Variants in SAMD5 observed in about 807,000 individuals in gnomAD.
SAMD5 encodes the protein sterile alpha motif domain-containing protein 5.
In SAMD5, 13 loss-of-function variants were observed where a neutral mutation model predicts 11.3. The observed-to-expected ratio is 1.15, with a 90% CI of 0.75 to 1.83. SAMD5 has a LOEUF of 1.83. SAMD5 is among the 40% of genes most tolerant of loss of function. SAMD5 has a pLI of 0.00. For missense variants in SAMD5, 255 were observed against 239.1 expected (o/e 1.07, Z -0.44); for synonymous variants, 129 against 111.3 (o/e 1.16, Z -1.00).
chr6:147,897,893 A>G, the SAMD5 span, among the ~76,000 whole-genome samples: 1 of 142,092 alleles, frequency 7.0e-6, no homozygotes, highest in African/African-American at 2.6e-5. Context: ...TGCAGTGAGT[A>G]GAGATCGGGC....
At chr6:147,677,091 A>G (rs1350389013) in intron 1 of SAMD5, among the ~76,000 whole-genome samples, 3 of 152,188 alleles carry the variant, frequency 2.0e-5, no homozygotes, top group Non-Finnish European at 4.4e-5. Context: ...GCTACCGACA[A>G]TGTCAGCCTG....
the SAMD5 span, among the ~76,000 whole-genome samples, chr6:147,880,307 T>C: frequency 1.3e-5 from 2 of 152,118 alleles, no homozygotes; most frequent in African/African-American, 4.8e-5. Context: ...TCATTGTCTC[T>C]CTGTTGCTCT....
chr6:147,844,639 A>AATGGAAT, the SAMD5 span, among the ~76,000 whole-genome samples: 1 of 151,014 alleles, frequency 6.6e-6, no homozygotes, highest in Non-Finnish European at 1.5e-5. Flanking sequence ...ATGTAAACAC[A>AATGGAAT]ATGGAATACT....
intron 1 of SAMD5, among the ~76,000 whole-genome samples, chr6:147,602,718 T>G (rs1416014750): frequency 6.6e-6 from 1 of 152,040 alleles, no homozygotes; most frequent in East Asian, 1.9e-4. Flanking sequence ...CACTGTAGCC[T>G]GGGAGACAGT....
intron 1 of SAMD5, among the ~76,000 whole-genome samples, chr6:147,667,139 C>T (rs1309537947): frequency 1.3e-5 from 2 of 152,242 alleles, no homozygotes; most frequent in South Asian, 2.1e-4. Context: ...CTTACATATC[C>T]GGGTCCTCAC....
intron 1 of SAMD5, among the ~76,000 whole-genome samples, chr6:147,732,701 GT>G (rs1390438270): frequency 1.3e-5 from 2 of 152,124 alleles, no homozygotes; most frequent in Admixed American, 1.3e-4. Context: ...AAGGGTATTT[GT>G]TTTTGGAATC....
chr6:147,791,528 T>C, the SAMD5 span, among the ~76,000 whole-genome samples: 2 of 152,168 alleles, frequency 1.3e-5, no homozygotes, highest in Non-Finnish European at 2.9e-5. Context: ...TGTCTACTCA[T>C]AACTGTTAGA....
intron 1 of SAMD5, among the ~76,000 whole-genome samples, chr6:147,735,688 A>G (rs1791789939): frequency 6.6e-6 from 1 of 151,660 alleles, no homozygotes; most frequent in South Asian, 2.1e-4. Flanking sequence ...ATTCTTTTCC[A>G]TTCAAGGAGG....
At chr6:147,947,752 G>T in the SAMD5 span, among the ~76,000 whole-genome samples, 1 of 152,140 alleles carries the variant, frequency 6.6e-6, no homozygotes, top group Non-Finnish European at 1.5e-5. Context: ...GGCTGATTAA[G>T]TGTTGATGAA....
intron 1 of SAMD5, among the ~76,000 whole-genome samples, chr6:147,647,129 T>C (rs1171849618): frequency 6.6e-6 from 1 of 151,792 alleles, no homozygotes; most frequent in Non-Finnish European, 1.5e-5. Context: ...ATCATGCCAT[T>C]GCACCCCAGC....
chr6:147,865,962 A>C, the SAMD5 span, among the ~76,000 whole-genome samples: 5 of 152,184 alleles, frequency 3.3e-5, no homozygotes, highest in Non-Finnish European at 7.4e-5. Flanking sequence ...AGCTTTTCCA[A>C]CTGGCTTCTA....
the SAMD5 span, among the ~76,000 whole-genome samples, chr6:147,917,677 T>C: frequency 6.6e-6 from 1 of 152,210 alleles, no homozygotes; most frequent in Non-Finnish European, 1.5e-5. Flanking sequence ...CTTCTAGGGT[T>C]TTTATGGTTT....
chr6:147,605,667 C>T (rs1330922203), intron 1 of SAMD5, among the ~76,000 whole-genome samples: 1 of 151,854 alleles, frequency 6.6e-6, no homozygotes, highest in African/African-American at 2.4e-5. Flanking sequence ...AGAGACTTAC[C>T]CCCTTTATGC....
chr6:147,946,452 G>A, the SAMD5 span, among the ~76,000 whole-genome samples: 1 of 152,164 alleles, frequency 6.6e-6, no homozygotes, highest in African/African-American at 2.4e-5. Context: ...GAGCAGTAGA[G>A]GTGACTTTTG....
intron 1 of SAMD5, among the ~76,000 whole-genome samples, chr6:147,554,151 G>A (rs1788815127): frequency 6.6e-6 from 1 of 152,078 alleles, no homozygotes; most frequent in South Asian, 2.1e-4. Context: ...GAGCAAAAGG[G>A]GGAAAAGCCC....
chr6:147,800,499 G>A, the SAMD5 span, among the ~76,000 whole-genome samples: 5 of 152,206 alleles, frequency 3.3e-5, no homozygotes, highest in African/African-American at 1.2e-4. Flanking sequence ...ATTTAAGTCT[G>A]CAGAGGTTAC....
At chr6:147,575,563 A>T (rs1583091381) in intron 1 of SAMD5, among the ~76,000 whole-genome samples, 1 of 152,372 alleles carries the variant, frequency 6.6e-6, no homozygotes, top group East Asian at 1.9e-4. Context: ...ATACGTGTTA[A>T]ATTTGAAAAT....
intron 1 of SAMD5, among the ~76,000 whole-genome samples, chr6:147,725,310 G>A (rs1791609446): frequency 6.6e-6 from 1 of 151,796 alleles, no homozygotes; most frequent in African/African-American, 2.4e-5. Context: ...GACCAAGCAG[G>A]CAGCGGAGGA....
chr6:147,553,211 C>A (rs1788801234), intron 1 of SAMD5, among the ~76,000 whole-genome samples: 1 of 152,180 alleles, frequency 6.6e-6, no homozygotes, highest in African/African-American at 2.4e-5. Context: ...AGAGGGGGAA[C>A]TGAAGCGGAG....
Sources: gnomAD v4.1 joint callset for allele counts (sites outside exome capture counted in the v4.1 genomes callset) on GRCh38, gnomAD v4.1.1 for gene constraint, MANE v1.5 for transcripts, NCBI Gene and HGNC (gene_info 2026-07-23, HGNC 2026-07-21) for gene names.